ARMC3: variants seen among roughly 807,000 people sequenced by gnomAD.
ARMC3 encodes the protein armadillo repeat containing 3.
In ARMC3, 74 loss-of-function variants were observed where a neutral mutation model predicts 90.3. The observed-to-expected ratio is 0.82, with a 90% CI of 0.68 to 0.99. The LOEUF (loss-of-function observed/expected upper bound fraction) is 0.99, where lower values mean the gene tolerates loss of function less well. Ranked by LOEUF, ARMC3 falls within the 50% of genes least tolerant of loss-of-function variation. ARMC3 has a pLI of 0.00. For missense variants in ARMC3, 958 were observed against 1,042.8 expected (o/e 0.92, Z 1.12); for synonymous variants, 334 against 361.8 (o/e 0.92, Z 0.87).
At chr10:22,975,682 T>C (rs931083517) in intron 8 of ARMC3, among the ~76,000 whole-genome samples, 1 of 152,198 alleles carries the variant, frequency 6.6e-6, no homozygotes, top group African/African-American at 2.4e-5. Context: ...TTTTTTATCC[T>C]GAGTTTGAAA....
intron 10 of ARMC3, among the ~76,000 whole-genome samples, chr10:22,993,978 TCTG>T (rs1836832898): frequency 6.6e-6 from 1 of 152,234 alleles, no homozygotes; most frequent in Non-Finnish European, 1.5e-5. Flanking sequence ...GAATGAAAAA[TCTG>T]CTGAATTCCA....
intron 8 of ARMC3, among the ~76,000 whole-genome samples, chr10:22,972,029 T>G (rs888262115): frequency 6.6e-6 from 1 of 152,376 alleles, no homozygotes; most frequent in African/African-American, 2.4e-5. Flanking sequence ...TCTCCCATTT[T>G]TTGATTGGGT....
At chr10:23,025,913 A>G (rs1418084904) in intron 16 of ARMC3, among the ~76,000 whole-genome samples, 1 of 152,082 alleles carries the variant, frequency 6.6e-6, no homozygotes, top group Admixed American at 6.6e-5. Context: ...AATTATTACT[A>G]TAACCCCTCA....
At chr10:23,014,266 A>T (rs758800104) in intron 16 of ARMC3, 31 of 1,478,006 alleles carry the variant, frequency 2.1e-5, no homozygotes, top group Non-Finnish European at 2.6e-5. Context: ...GTAAGAGGAG[A>T]GATGGTGTCA....
intron 2 of ARMC3, among the ~76,000 whole-genome samples, chr10:22,937,559 C>T (rs1564338114): frequency 1.3e-5 from 2 of 152,018 alleles, no homozygotes; most frequent in Non-Finnish European, 2.9e-5. Flanking sequence ...TAGGAGTTTG[C>T]GGGGCAATCA....
At chr10:22,953,792 G>A (rs1161373059) in intron 3 of ARMC3, among the ~76,000 whole-genome samples, 2 of 152,194 alleles carry the variant, frequency 1.3e-5, no homozygotes, top group Non-Finnish European at 2.9e-5. Flanking sequence ...TATAGAAGAT[G>A]ACATAATCTG....
intron 7 of ARMC3, among the ~76,000 whole-genome samples, chr10:22,964,642 T>C (rs1001479984): frequency 6.6e-6 from 1 of 152,048 alleles, no homozygotes; most frequent in African/African-American, 2.4e-5. Context: ...GGTTTCACCA[T>C]GTTGGCCAGG....
In ARMC3 at chr10:22,998,280, G is replaced by A; in HGVS notation, c.1308G>A (p.Gln436=). The A allele has an allele frequency of 6.2e-7, 1 of 1,612,446 alleles. No individual in the cohort carries two copies. The highest frequency in any genetic ancestry group is 8.5e-7 in the Non-Finnish European group (1 of 1,179,124). The change falls in exon 11 of 19, where the codon CAG becomes CAA. Residue 436 remains glutamine (Q), a synonymous_variant. Transcript: ENST00000298032. ...AMQEPLRLNI[Q]NHDIMHAIIS... ...AGGAGCCCCTGCGCCTGAACATACA[G>A]AATCACGACATCATGCATGCCATCA...
chr10:22,986,430 T>C (rs987492104), intron 10 of ARMC3, among the ~76,000 whole-genome samples: 9 of 151,654 alleles, frequency 5.9e-5, no homozygotes, highest in South Asian at 2.1e-4. Flanking sequence ...TGCATATCTG[T>C]AATCCCAGCT....
intron 2 of ARMC3, among the ~76,000 whole-genome samples, chr10:22,936,292 A>G (rs57110390): frequency 0.03 from 4,577 of 152,248 alleles, 215 homozygotes; most frequent in African/African-American, 0.1. Context: ...CTTTGTCGCT[A>G]TTTTTTAAAA....
chr10:22,935,790 CTAAAAGGTATTT>C (rs1269004705), intron 2 of ARMC3, among the ~76,000 whole-genome samples: 1 of 152,126 alleles, frequency 6.6e-6, no homozygotes, highest in African/African-American at 2.4e-5. Flanking sequence ...ATAAAGTAAA[CTAAAAGGTATTT>C]TAGCTACTTT....
At chr10:22,937,264 T>C (rs1834147788) in intron 2 of ARMC3, among the ~76,000 whole-genome samples, 1 of 152,194 alleles carries the variant, frequency 6.6e-6, no homozygotes, top group Non-Finnish European at 1.5e-5. Context: ...TATTAAATGA[T>C]ATTTACTAAA....
Position 23,032,994 on chromosome 10 carries a change from A to C in ARMC3, c.2380A>C (p.Ile794Leu). ...ACCGATTGGACATGTCAAAAAAGGA[A>C]TCTTCTACCATCGAGCTTTGCTTTT... ...VIPIGHVKKG[I>L]FYHRALLFKA... Residue 794 changes from isoleucine (I) to leucine (L), a missense_variant, in exon 18 of 19, where the codon ATC becomes CTC. Ile to Leu is a conservative substitution (Grantham distance 5). Transcript: ENST00000298032. The C allele has an allele frequency of 6.2e-7, 1 of 1,612,864 alleles. No homozygotes were observed. The highest frequency in any genetic ancestry group is 1.7e-5 in the Admixed American group (1 of 59,902).
At chr10:23,012,262 A>G (rs191427027) in intron 16 of ARMC3, among the ~76,000 whole-genome samples, 1 of 152,326 alleles carries the variant, frequency 6.6e-6, no homozygotes, top group East Asian at 1.9e-4. Flanking sequence ...GATATTTTCC[A>G]TAACTGTGAA....
rs556023545 is a variant in ARMC3, at chr10:23,031,422, G to A, written c.2246+626G>A. 6.6e-5 allele frequency among the ~76,000 whole-genome samples: 10 copies of A among 152,296 alleles called. No individual in the cohort carries two copies. The South Asian group carries it at 1.2e-3, about 19-fold the overall frequency. ...ATCACCAGAAGTGAGGACAGGCTTC[G>A]TGACTGACACCACTCAGTAGGTAAG... On this transcript the variant is annotated intron_variant, in intron 17 of 18. Transcript: ENST00000298032.
chr10:22,983,849 G>C (rs1279591319), intron 10 of ARMC3, among the ~76,000 whole-genome samples: 3 of 152,160 alleles, frequency 2.0e-5, no homozygotes, highest in African/African-American at 7.2e-5. Flanking sequence ...CTACAAATGT[G>C]ATTGGTTATT....
At position 22,981,340 on chromosome 10, in the gene ARMC3, C is replaced by A. The variant is rs1384239041; in HGVS notation, c.917C>A (p.Pro306His). The part of the protein sequence containing the change: ...AKAITKAAYD[P>H]ENRKLFHEQE... ...TTTTTTTCCCTTTGGTGTATGAAAGCTGAAAATAGAAAACTTTTTCATGAA... is the reference window on the plus strand; with the variant it reads ...TTTTTTTCCCTTTGGTGTATGAAAGATGAAAATAGAAAACTTTTTCATGAA... The change falls in exon 9 of 19, where the codon CCT becomes CAT. Residue 306 changes from proline (P) to histidine (H), a missense_variant and splice_region_variant. By Grantham distance (77) the Pro-to-His change is moderately conservative. Coordinates refer to ENST00000298032, the MANE Select transcript of ARMC3 (RefSeq NM_173081.5). 2.5e-6 allele frequency: 4 copies of A among 1,594,300 alleles called. No individual in the cohort carries two copies. Among genetic ancestry groups the A allele is most frequent in the Non-Finnish European group, 3.4e-6 (4 of 1,174,166 alleles).
intron 17 of ARMC3, among the ~76,000 whole-genome samples, chr10:23,032,420 G>A (rs1838954379): frequency 6.6e-6 from 1 of 152,098 alleles, no homozygotes; most frequent in Non-Finnish European, 1.5e-5. Flanking sequence ...ATGGGAAAAT[G>A]TTCTGTGTGT....
chr10:22,929,267 G>GGA (rs931480338), intron 1 of ARMC3, among the ~76,000 whole-genome samples: 9 of 131,228 alleles, frequency 6.9e-5, no homozygotes, highest in Admixed American at 4.6e-4. Flanking sequence ...AGAGAGAGAG[G>GGA]GAGAGAGAGA....
Sources: allele counts gnomAD v4.1 joint callset (sites outside exome capture counted in the v4.1 genomes callset), GRCh38; gene constraint gnomAD v4.1.1; transcripts MANE v1.5; gene names NCBI Gene and HGNC (gene_info 2026-07-23, HGNC 2026-07-21).